Variants in TRERF1 observed in about 807,000 individuals in gnomAD.
TRERF1 encodes the protein transcriptional-regulating factor 1.
Under a neutral mutation model 122.9 loss-of-function variants are expected in TRERF1, and 27 were observed. The observed-to-expected ratio is 0.22, with a 90% confidence interval of 0.16 to 0.30. The LOEUF (loss-of-function observed/expected upper bound fraction) is 0.30. Among genes scored for constraint, TRERF1 ranks in the 10% least tolerant of loss-of-function variants. The probability of loss-of-function intolerance (pLI) is 1.00; values close to 1 mark genes in which losing one functional copy is unlikely to be tolerated. For synonymous variants in TRERF1, 636 were observed against 641.7 expected, an observed-to-expected ratio of 0.99 and a Z score of 0.13; for missense variants, 1,248 against 1,560.3, an observed-to-expected ratio of 0.80 and a Z score of 3.37.
intron 8 of TRERF1, among the ~76,000 whole-genome samples, chr6:42,260,878 C>G (rs992032291): frequency 6.6e-5 from 10 of 152,180 alleles, no homozygotes; most frequent in African/African-American, 2.4e-4. Context: ...CTGCCCCCTT[C>G]TGTTTCTCCC....
chr6:42,376,322 G>A (rs371378335), intron 2 of TRERF1, among the ~76,000 whole-genome samples: 2 of 152,094 alleles, frequency 1.3e-5, no homozygotes, highest in African/African-American at 2.4e-5. Context: ...CCACATATCC[G>A]CTTAGCATGA....
rs1236374442 is a variant in TRERF1, at chr6:42,345,188, A to G, written c.-371+17809T>C. The stretch of plus-strand genomic sequence containing the variant: ...TAGAAAGCTACACATGAAAATGTTC[A>G]TTGTGGTTCTTTCCAAAAGGCAGGA... On this transcript the variant is annotated intron_variant, in intron 3 of 17. Transcript: ENST00000372922. Among the ~76,000 whole-genome samples the G allele has an allele frequency of 5.3e-5, 8 of 152,276 alleles. No homozygotes were observed. In the East Asian group the frequency reaches 1.5e-3, roughly 29 times the overall value.
intron 2 of TRERF1, among the ~76,000 whole-genome samples, chr6:42,434,365 A>C (rs1393600869): frequency 6.6e-6 from 1 of 151,392 alleles, no homozygotes; most frequent in African/African-American, 2.4e-5. Context: ...ACCTATGTAC[A>C]TCATAGTAAA....
At chr6:42,226,291 TA>T (rs1206231487) in exon 18 of TRERF1, 2 of 152,260 alleles carry the variant, frequency 1.3e-5, no homozygotes, top group African/African-American at 4.8e-5. Flanking sequence ...ATTTGCTTTA[TA>T]AACACTTTTC....
intron 3 of TRERF1, among the ~76,000 whole-genome samples, chr6:42,324,831 C>T (rs1022698082): frequency 1.2e-4 from 18 of 152,236 alleles, no homozygotes; most frequent in Middle Eastern, 3.4e-3. Context: ...GTCATCTGGA[C>T]GTCAGCCTTG....
intron 13 of TRERF1, among the ~76,000 whole-genome samples, chr6:42,253,879 C>G (rs1776268445): frequency 6.6e-6 from 1 of 152,326 alleles, no homozygotes. Context: ...ATATTTGGCA[C>G]CTGCCTAGGC....
At chr6:42,367,458 T>C (rs1242782699) in intron 2 of TRERF1, among the ~76,000 whole-genome samples, 1 of 152,078 alleles carries the variant, frequency 6.6e-6, no homozygotes, top group Non-Finnish European at 1.5e-5. Context: ...GTGACAAACT[T>C]AGAAAACACG....
chr6:42,428,045 G>A (rs1783912008), intron 2 of TRERF1, among the ~76,000 whole-genome samples: 1 of 152,126 alleles, frequency 6.6e-6, no homozygotes, highest in Non-Finnish European at 1.5e-5. Flanking sequence ...TGACATCTAG[G>A]GCCGGAAATA....
chr6:42,334,898 C>T (rs1476709718), intron 3 of TRERF1, among the ~76,000 whole-genome samples: 1 of 152,246 alleles, frequency 6.6e-6, no homozygotes, highest in Non-Finnish European at 1.5e-5. Context: ...CTGATGGTCC[C>T]TCCTGGCTCA....
intron 2 of TRERF1, among the ~76,000 whole-genome samples, chr6:42,405,786 C>T (rs1780085550): frequency 6.8e-6 from 1 of 146,004 alleles, no homozygotes; most frequent in Non-Finnish European, 1.5e-5. Flanking sequence ...TAGAGCCAGA[C>T]CTTGTCTCAA....
intron 10 of TRERF1, 27 bp from the exon 11 acceptor site, chr6:42,257,129 A>C (rs1312948811): frequency 6.2e-7 from 1 of 1,612,306 alleles, no homozygotes; most frequent in Non-Finnish European, 8.5e-7. Flanking sequence ...GAAAAACAAC[A>C]ATGTGGTCTT....
intron 2 of TRERF1, among the ~76,000 whole-genome samples, chr6:42,409,363 T>C (rs906575454): frequency 1.3e-5 from 2 of 152,188 alleles, no homozygotes; most frequent in African/African-American, 4.8e-5. Flanking sequence ...CCTACTATTG[T>C]ACAATTTTAA....
chr6:42,430,326 A>G (rs1254518375), intron 2 of TRERF1, among the ~76,000 whole-genome samples: 1 of 152,188 alleles, frequency 6.6e-6, no homozygotes, highest in Non-Finnish European at 1.5e-5. Flanking sequence ...AAACAATCTT[A>G]AGAAAACCGG....
intron 2 of TRERF1, among the ~76,000 whole-genome samples, chr6:42,418,218 C>CTTTTTTTT (rs34388801): frequency 4.3e-4 from 15 of 34,664 alleles, no homozygotes; most frequent in Non-Finnish European, 6.0e-4. Flanking sequence ...TTTTTCTTTC[C>CTTTTTTTT]TTTTTTTTTT....
chr6:42,303,961 A>C (rs891665158), intron 3 of TRERF1, among the ~76,000 whole-genome samples: 2 of 150,810 alleles, frequency 1.3e-5, no homozygotes, highest in African/African-American at 4.9e-5. Flanking sequence ...AAAGCACCCA[A>C]GAAGTTTTCT....
intron 16 of TRERF1, among the ~76,000 whole-genome samples, chr6:42,233,489 G>A (rs1338293452): frequency 1.3e-5 from 2 of 151,800 alleles, no homozygotes; most frequent in Non-Finnish European, 2.9e-5. Flanking sequence ...GTTTCACCGT[G>A]TTAGCCAGGA....
chr6:42,228,402 G>C lies in TRERF1; in HGVS notation c.3546C>G (p.Thr1182=). The C allele has an allele frequency of 6.2e-7, 1 of 1,614,144 alleles. No homozygotes were observed. The highest frequency in any genetic ancestry group is 8.5e-7 in the Non-Finnish European group (1 of 1,180,032). Residue 1182 remains threonine (T), a synonymous_variant, in exon 18 of 18, where the codon ACC becomes ACG. Transcript: ENST00000372922. The surrounding 1 kb of genome is among the most constrained non-coding windows in gnomAD (Gnocchi z 4.2). Reference sequence around the variant, plus strand: ...AATCTTGATCATCCAAGAGAAGATCGGTGTCCACAACTTCAGCCTCTTCCA... The same window carrying C: ...AATCTTGATCATCCAAGAGAAGATCCGTGTCCACAACTTCAGCCTCTTCCA...
intron 3 of TRERF1, among the ~76,000 whole-genome samples, chr6:42,360,585 A>G (rs1243606860): frequency 6.6e-6 from 1 of 151,794 alleles, no homozygotes; most frequent in African/African-American, 2.4e-5. Context: ...GTATTATTCT[A>G]CTTCTATGGG....
At chr6:42,342,497 C>T (rs1767485542) in intron 3 of TRERF1, among the ~76,000 whole-genome samples, 1 of 152,184 alleles carries the variant, frequency 6.6e-6, no homozygotes, top group South Asian at 2.1e-4. Flanking sequence ...CACTATTAAT[C>T]ACCCTGAACA....
Sources: gnomAD v4.1 joint callset for allele counts (sites outside exome capture counted in the v4.1 genomes callset) on GRCh38, gnomAD v4.1.1 for gene constraint, Gnocchi (gnomAD v3.1) non-coding constraint, MANE v1.5 for transcripts, NCBI Gene and HGNC (gene_info 2026-07-23, HGNC 2026-07-21) for gene names.